The following AGBL4 variants were observed in gnomAD, a reference collection of about 807,000 sequenced individuals.
AGBL4 encodes AGBL carboxypeptidase 4.
Under a neutral mutation model 66.4 loss-of-function variants are expected in AGBL4, and 58 were observed. The ratio of observed to expected loss-of-function variants is 0.87; its 90% confidence interval spans 0.71 to 1.09. The LOEUF (loss-of-function observed/expected upper bound fraction) is 1.09. Ranked by LOEUF, AGBL4 falls within the 50% of genes least tolerant of loss-of-function variation. AGBL4 has a pLI of 0.00. For synonymous variants in AGBL4, 234 were observed against 222.9 expected (o/e 1.05, Z -0.44); for missense variants, 579 against 631.0 (o/e 0.92, Z 0.88).
At chr1:49,228,358 C>T (rs748692987) in intron 4 of AGBL4, among the ~76,000 whole-genome samples, 1 of 152,074 alleles carries the variant, frequency 6.6e-6, no homozygotes, top group Non-Finnish European at 1.5e-5. Flanking sequence ...TATACATGTT[C>T]CTTTGAATAT....
intron 1 of AGBL4, among the ~76,000 whole-genome samples, chr1:50,015,548 T>C (rs1313667194): frequency 1.3e-5 from 2 of 152,114 alleles, no homozygotes; most frequent in African/African-American, 4.8e-5. Flanking sequence ...TTCCAGCCAG[T>C]TGGGAGGCTG....
intron 3 of AGBL4, among the ~76,000 whole-genome samples, chr1:49,600,354 C>A (rs2124153500): frequency 6.6e-6 from 1 of 152,264 alleles, no homozygotes; most frequent in Non-Finnish European, 1.5e-5. Context: ...TGATCCTTTA[C>A]CATTGTGTAA....
intron 2 of AGBL4, among the ~76,000 whole-genome samples, chr1:49,734,669 TA>T (rs1464709821): frequency 2.0e-5 from 3 of 152,076 alleles, no homozygotes; most frequent in Admixed American, 2.0e-4. Flanking sequence ...AGAACCAGTA[TA>T]GTCTCAATAT....
chr1:49,164,956 A>G (rs1646606989), intron 4 of AGBL4, among the ~76,000 whole-genome samples: 1 of 152,110 alleles, frequency 6.6e-6, no homozygotes, highest in Admixed American at 6.6e-5. Context: ...CCAGCTCCAT[A>G]GTCTCTCTAC....
chr1:49,482,814 T>C (rs906383469), intron 3 of AGBL4, among the ~76,000 whole-genome samples: 3 of 152,116 alleles, frequency 2.0e-5, no homozygotes, highest in Admixed American at 6.6e-5. Flanking sequence ...GATTGTGGTA[T>C]GTTGTATCTT....
At chr1:49,388,784 C>A (rs1225777617) in intron 3 of AGBL4, among the ~76,000 whole-genome samples, 1 of 152,066 alleles carries the variant, frequency 6.6e-6, no homozygotes, top group Non-Finnish European at 1.5e-5. Flanking sequence ...GGGTTCCCTA[C>A]TAGTGAGTGC....
intron 6 of AGBL4, among the ~76,000 whole-genome samples, chr1:48,852,121 CTT>C (rs1004316937): frequency 3.4e-5 from 5 of 145,356 alleles, no homozygotes; most frequent in African/African-American, 1.3e-4. Context: ...GGATGAAAGA[CTT>C]GAAGCTTTGA....
intron 9 of AGBL4, among the ~76,000 whole-genome samples, chr1:48,604,473 A>G (rs1435051024): frequency 2.0e-5 from 3 of 152,120 alleles, no homozygotes; most frequent in African/African-American, 4.8e-5. Context: ...CGTTTCCCCC[A>G]TGTAATCATG....
intron 6 of AGBL4, among the ~76,000 whole-genome samples, chr1:48,738,184 C>A (rs1043073292): frequency 6.6e-6 from 1 of 152,120 alleles, no homozygotes; most frequent in Non-Finnish European, 1.5e-5. Context: ...TGAAATTTTC[C>A]AACCATCAAG....
intron 5 of AGBL4, among the ~76,000 whole-genome samples, chr1:48,933,725 A>G (rs1655224917): frequency 6.6e-6 from 1 of 152,242 alleles, no homozygotes; most frequent in African/African-American, 2.4e-5. Flanking sequence ...AAAGATCAAA[A>G]TGAAATGCTA....
intron 3 of AGBL4, among the ~76,000 whole-genome samples, chr1:49,430,892 A>G (rs1645771128): frequency 6.6e-6 from 1 of 152,124 alleles, no homozygotes; most frequent in Non-Finnish European, 1.5e-5. Flanking sequence ...CATACAGTTG[A>G]TACTCTTTTA....
chr1:49,043,492 A>G (rs72682969), intron 5 of AGBL4, among the ~76,000 whole-genome samples: 7,027 of 152,146 alleles, frequency 0.046, 243 homozygotes, highest in Non-Finnish European at 0.066. Flanking sequence ...CCTTCCCTTT[A>G]TTCCCTTTGA....
At chr1:48,617,842 G>A (rs763019979) in intron 9 of AGBL4, among the ~76,000 whole-genome samples, 1 of 152,154 alleles carries the variant, frequency 6.6e-6, no homozygotes, top group African/African-American at 2.4e-5. Context: ...TCTGGGAAAG[G>A]TATGGTGGTC....
chr1:48,913,918 G>C (rs1237388284), intron 5 of AGBL4, among the ~76,000 whole-genome samples: 1 of 152,080 alleles, frequency 6.6e-6, no homozygotes, highest in Non-Finnish European at 1.5e-5. Flanking sequence ...GTGGAAGAAG[G>C]GTTGGTTTCG....
At chr1:48,893,789 C>G (rs1481394887) in intron 5 of AGBL4, among the ~76,000 whole-genome samples, 1 of 152,178 alleles carries the variant, frequency 6.6e-6, no homozygotes, top group Non-Finnish European at 1.5e-5. Flanking sequence ...CAGTAGTCTG[C>G]AACCTGAGAG....
At position 48,727,827 on chromosome 1, in the gene AGBL4, C is replaced by T. The variant is rs995786871; in HGVS notation, c.635-64586G>A. ...TGGGGTCTGATTTGGACGGCACCAT[C>T]GCTCGCAAATCACATGCCACACAAG... On this transcript the variant is annotated intron_variant, in intron 6 of 13. Transcript: ENST00000371839. 1.5e-5 allele frequency: 23 copies of T among 1,497,832 alleles called. No individual in the cohort carries two copies. The African/African-American group carries it at 2.1e-4, about 13-fold the overall frequency. 92.8% of individuals were successfully genotyped at this position (1,497,832 alleles called of 1,614,324 possible). A position where few individuals can be genotyped will look rare whatever the true frequency, so the allele number is the denominator to read the frequency against.
intron 3 of AGBL4, among the ~76,000 whole-genome samples, chr1:49,466,782 C>T (rs1198488264): frequency 1.3e-5 from 2 of 151,770 alleles, no homozygotes; most frequent in African/African-American, 4.8e-5. Flanking sequence ...TACAGAAAGA[C>T]TTAATTACTT....
intron 5 of AGBL4, among the ~76,000 whole-genome samples, chr1:48,994,245 G>GACATTTCTT (rs1660836462): frequency 1.3e-5 from 2 of 152,126 alleles, no homozygotes; most frequent in African/African-American, 4.8e-5. Context: ...CTCCCTAATT[G>GACATTTCTT]ACATTTCTTT....
At chr1:50,007,538 G>C (rs992844610) in intron 1 of AGBL4, among the ~76,000 whole-genome samples, 8 of 152,140 alleles carry the variant, frequency 5.3e-5, no homozygotes, top group African/African-American at 1.9e-4. Flanking sequence ...CGAGGAGGGA[G>C]GATTGGTTGA....
Sources: gnomAD v4.1 joint callset for allele counts (sites outside exome capture counted in the v4.1 genomes callset) on GRCh38, gnomAD v4.1.1 for gene constraint, MANE v1.5 for transcripts, NCBI Gene and HGNC (gene_info 2026-07-23, HGNC 2026-07-21) for gene names.